Variants in GRM5 observed in about 807,000 individuals in gnomAD.
GRM5 encodes metabotropic glutamate receptor 5.
A neutral mutation model predicts 83.1 loss-of-function variants in GRM5; 19 were observed. The ratio of observed to expected loss-of-function variants is 0.23; its 90% CI spans 0.16 to 0.34. GRM5 has a LOEUF of 0.34. Ranked by LOEUF, GRM5 falls within the 10% of genes least tolerant of loss-of-function variation. The pLI is 1.00. For synonymous variants in GRM5, 675 were observed against 633.6 expected, an observed-to-expected ratio of 1.07 and a Z score of -0.98; for missense variants, 1,160 against 1,588.3, an observed-to-expected ratio of 0.73 and a Z score of 4.58.
intron 2 of GRM5, among the ~76,000 whole-genome samples, chr11:88,900,254 A>T (rs1590949760): frequency 6.6e-6 from 1 of 152,140 alleles, no homozygotes; most frequent in East Asian, 1.9e-4. Flanking sequence ...CTGGTTTCTG[A>T]GGAAGAAAAA....
intron 3 of GRM5, among the ~76,000 whole-genome samples, chr11:88,804,264 T>C (rs1943457629): frequency 6.9e-6 from 1 of 145,040 alleles, no homozygotes; most frequent in Non-Finnish European, 1.5e-5. Context: ...TTATTCACAA[T>C]AGCAAAGACT....
chr11:88,691,854 G>A (rs543320481), intron 3 of GRM5, among the ~76,000 whole-genome samples: 1 of 152,168 alleles, frequency 6.6e-6, no homozygotes, highest in African/African-American at 2.4e-5. Context: ...CGACAATCTG[G>A]TTCTACAATA....
At chr11:88,921,896 T>G (rs898712451) in intron 2 of GRM5, among the ~76,000 whole-genome samples, 1 of 147,588 alleles carries the variant, frequency 6.8e-6, no homozygotes, top group Non-Finnish European at 1.5e-5. Flanking sequence ...TCAGTAAAGT[T>G]TCAGAATACC....
At chr11:88,645,352 G>C (rs1939416206) in intron 4 of GRM5, among the ~76,000 whole-genome samples, 1 of 152,120 alleles carries the variant, frequency 6.6e-6, no homozygotes, top group African/African-American at 2.4e-5. Flanking sequence ...TAGAAACCAT[G>C]AGAGTGTGAA....
chr11:88,560,141 T>A (rs926731841), intron 8 of GRM5, among the ~76,000 whole-genome samples: 1 of 150,524 alleles, frequency 6.6e-6, no homozygotes, highest in African/African-American at 2.4e-5. Flanking sequence ...GGTGAAGGAG[T>A]CAGATTAGCA....
chr11:89,064,286 G>C (rs911515586), intron 1 of GRM5, among the ~76,000 whole-genome samples: 6 of 152,034 alleles, frequency 3.9e-5, no homozygotes, highest in African/African-American at 1.5e-4. Context: ...TTGTACCCTA[G>C]AACTTAAAGT....
chr11:88,867,429 C>G (rs1243314591), intron 2 of GRM5, among the ~76,000 whole-genome samples: 3 of 151,758 alleles, frequency 2.0e-5, no homozygotes, highest in African/African-American at 7.3e-5. Flanking sequence ...CTATACCATA[C>G]ATAGGCTGTT....
intron 8 of GRM5, among the ~76,000 whole-genome samples, chr11:88,557,242 A>G (rs900308368): frequency 2.6e-5 from 4 of 152,188 alleles, no homozygotes; most frequent in Non-Finnish European, 4.4e-5. Flanking sequence ...TGAAGATCCA[A>G]TGAGATAACA....
chr11:88,877,270 C>A (rs555647507), intron 2 of GRM5, among the ~76,000 whole-genome samples: 58 of 152,072 alleles, frequency 3.8e-4, no homozygotes, highest in Admixed American at 5.9e-4. Context: ...TAAATTAGCA[C>A]ATGAAAATAT....
In GRM5 at chr11:88,567,360, C is replaced by T. The variant is rs767661539; in HGVS notation, c.2323G>A (p.Ala775Thr). 5 of 1,614,038 alleles carry T rather than the reference C, an allele frequency of 3.1e-6. No homozygotes were observed. The highest frequency in any genetic ancestry group is 1.1e-5 in the South Asian group (1 of 91,062). Residue 775 changes from alanine to threonine, a missense_variant, in exon 8 of 10, where the codon GCC becomes ACC. Physicochemically the swap from Ala to Thr is moderately conservative, Grantham distance 58 (BLOSUM62 0). Around this residue, in one of 9 missense-constraint regions of GRM5, gnomAD observed 66 missense variants for 138.6 expected, o/e 0.48. Transcript: ENST00000305447. This position sits in a 1 kb window ranked among gnomAD's most constrained non-coding sequence, Gnocchi z 7.3. ...PANFNEAKYI[A>T]FTMYTTCIIW... Reference sequence around the variant, plus strand: ...ATGCAGGTCGTGTACATTGTGAAGGCGATATACTTGGCCTCGTTGAAGTTA... The same window carrying T: ...ATGCAGGTCGTGTACATTGTGAAGGTGATATACTTGGCCTCGTTGAAGTTA...
intron 8 of GRM5, among the ~76,000 whole-genome samples, chr11:88,526,784 A>G (rs1253396012): frequency 6.6e-6 from 1 of 152,156 alleles, no homozygotes; most frequent in Non-Finnish European, 1.5e-5. Context: ...AAAATGGCTT[A>G]TTACATCAAG....
chr11:89,032,278 T>C (rs1240811258), intron 2 of GRM5, among the ~76,000 whole-genome samples: 1 of 152,066 alleles, frequency 6.6e-6, no homozygotes, highest in East Asian at 1.9e-4. Flanking sequence ...CCATAGAGTC[T>C]AGATCTATGT....
intron 3 of GRM5, among the ~76,000 whole-genome samples, chr11:88,703,402 T>C (rs966418483): frequency 3.3e-5 from 5 of 151,956 alleles, no homozygotes; most frequent in African/African-American, 1.2e-4. Context: ...TATGTAGACA[T>C]CTCATGTTAC....
intron 3 of GRM5, among the ~76,000 whole-genome samples, chr11:88,821,933 A>G (rs1273494393): frequency 6.6e-6 from 1 of 150,844 alleles, no homozygotes; most frequent in Non-Finnish European, 1.5e-5. Flanking sequence ...CCAATTTCCT[A>G]CTTACATTTT....
At chr11:88,838,472 A>T (rs1375557010) in intron 3 of GRM5, among the ~76,000 whole-genome samples, 2 of 152,152 alleles carry the variant, frequency 1.3e-5, no homozygotes, top group East Asian at 3.9e-4. Context: ...AAGTCCTGTG[A>T]TTGTTCAGTC....
chr11:88,929,793 A>T (rs12288256), intron 2 of GRM5, among the ~76,000 whole-genome samples: 4,491 of 152,200 alleles, frequency 0.03, 217 homozygotes, highest in African/African-American at 0.1. Context: ...GAGGCCTCAA[A>T]AAAATGAGAA....
At chr11:88,974,374 G>GAGATAGATAGATAGAT (rs71046273) in intron 2 of GRM5, among the ~76,000 whole-genome samples, 1,893 of 147,800 alleles carry the variant, frequency 0.013, 23 homozygotes, top group African/African-American at 0.022. Flanking sequence ...CCTGGCAATA[G>GAGATAGATAGATAGAT]AGATAGATAG....
chr11:88,929,926 G>A (rs1393569603), intron 2 of GRM5, among the ~76,000 whole-genome samples: 1 of 152,070 alleles, frequency 6.6e-6, no homozygotes, highest in African/African-American at 2.4e-5. Flanking sequence ...TCCCAAGTTT[G>A]CTTTAAAGTA....
intron 2 of GRM5, among the ~76,000 whole-genome samples, chr11:89,013,290 A>C (rs2135094538): frequency 6.6e-6 from 1 of 152,280 alleles, no homozygotes; most frequent in East Asian, 1.9e-4. Context: ...CATGTTCCTG[A>C]CTTGGTCCAC....
Sources: allele counts gnomAD v4.1 joint callset (sites outside exome capture counted in the v4.1 genomes callset), GRCh38; gene constraint gnomAD v4.1.1; regional missense constraint gnomAD v4.1.1; non-coding constraint Gnocchi (gnomAD v3.1); transcripts MANE v1.5; gene names NCBI Gene and HGNC (gene_info 2026-07-23, HGNC 2026-07-21).